Variants in PHF14 observed in about 807,000 individuals in gnomAD.
PHF14 encodes the protein PHD finger protein 14.
A neutral mutation model predicts 117.9 loss-of-function variants in PHF14; 55 were observed. The observed-to-expected ratio is 0.47, with a 90% CI of 0.38 to 0.58. PHF14 has a LOEUF of 0.58. Ranked by LOEUF, PHF14 falls within the 20% of genes least tolerant of loss-of-function variation. The pLI is 0.00. For missense variants in PHF14, 978 were observed against 1,122.2 expected (o/e 0.87, Z 1.84); for synonymous variants, 409 against 368.6 (o/e 1.11, Z -1.26).
chr7:11,046,367 A>G (rs74722607), intron 13 of PHF14, among the ~76,000 whole-genome samples: 2,042 of 152,280 alleles, frequency 0.013, 20 homozygotes, highest in Non-Finnish European at 0.023. Context: ...GCCTTTTCCA[A>G]TTGTTTGAAG....
chr7:11,044,876 T>G (rs746842357), intron 13 of PHF14, among the ~76,000 whole-genome samples: 1 of 152,178 alleles, frequency 6.6e-6, no homozygotes, highest in Non-Finnish European at 1.5e-5. Flanking sequence ...TTTGGAATAT[T>G]TGCATTGTAC....
intron 13 of PHF14, among the ~76,000 whole-genome samples, chr7:11,047,521 C>T (rs528716144): frequency 2.6e-5 from 4 of 151,418 alleles, no homozygotes; most frequent in Admixed American, 1.3e-4. Context: ...AAAGGCCAGA[C>T]GCAGTGGCTC....
intron 16 of PHF14, 105 bp from the exon 17 acceptor site, chr7:11,111,245 T>C: frequency 2.0e-6 from 1 of 500,510 alleles, no homozygotes. Context: ...AAATTAACAG[T>C]GTTGAAGTTG....
chr7:10,996,629 CAT>C (rs1562567320), intron 4 of PHF14, among the ~76,000 whole-genome samples: 1 of 152,008 alleles, frequency 6.6e-6, no homozygotes, highest in East Asian at 1.9e-4. Context: ...GTTTATATCA[CAT>C]GATTCATTAA....
chr7:11,044,720 T>A (rs1485172826), intron 13 of PHF14, among the ~76,000 whole-genome samples: 1 of 152,228 alleles, frequency 6.6e-6, no homozygotes, highest in Non-Finnish European at 1.5e-5. Flanking sequence ...AAATATTTTG[T>A]CACATTTTAC....
chr7:11,148,624 A>T (rs983571076), intron 17 of PHF14, among the ~76,000 whole-genome samples: 1 of 152,194 alleles, frequency 6.6e-6, no homozygotes, highest in Non-Finnish European at 1.5e-5. Context: ...CTCTGTTGAA[A>T]TTGAAGGCCA....
intron 6 of PHF14, among the ~76,000 whole-genome samples, chr7:11,025,513 G>C (rs1388031558): frequency 6.6e-6 from 1 of 152,204 alleles, no homozygotes; most frequent in African/African-American, 2.4e-5. Flanking sequence ...GAACTTGCCA[G>C]CCGGGCACGG....
intron 17 of PHF14, among the ~76,000 whole-genome samples, chr7:11,165,109 G>A (rs991624251): frequency 6.6e-6 from 1 of 152,128 alleles, no homozygotes; most frequent in Non-Finnish European, 1.5e-5. Flanking sequence ...ATTTTTAGTA[G>A]AGACGGGGTT....
chr7:11,023,994 T>C (rs1039198693), intron 6 of PHF14, among the ~76,000 whole-genome samples: 1 of 152,174 alleles, frequency 6.6e-6, no homozygotes, highest in African/African-American at 2.4e-5. Flanking sequence ...AAGCTGGGCC[T>C]CTTCTGCCGA....
chr7:11,157,418 A>C (rs539588592), intron 17 of PHF14, among the ~76,000 whole-genome samples: 46 of 152,068 alleles, frequency 3.0e-4, no homozygotes, highest in Non-Finnish European at 4.9e-4. Flanking sequence ...TTGATTGCCA[A>C]ATATTTTTAC....
At chr7:11,009,271 A>T (rs540169405) in intron 4 of PHF14, among the ~76,000 whole-genome samples, 3 of 152,296 alleles carry the variant, frequency 2.0e-5, no homozygotes, top group African/African-American at 7.2e-5. Flanking sequence ...GGAAGACTGA[A>T]AGTCCACTGG....
At chr7:11,164,500 T>C (rs1005318536) in intron 17 of PHF14, among the ~76,000 whole-genome samples, 6 of 152,224 alleles carry the variant, frequency 3.9e-5, no homozygotes, top group Admixed American at 1.3e-4. Context: ...TATATTTCAG[T>C]GTAGAGGCTA....
intron 17 of PHF14, among the ~76,000 whole-genome samples, chr7:11,144,772 A>G (rs1270041812): frequency 7.3e-5 from 11 of 151,724 alleles, no homozygotes; most frequent in Non-Finnish European, 1.3e-4. Flanking sequence ...GGGGAAGAAA[A>G]GGAAGGAAAA....
chr7:11,150,216 C>G (rs1788666415), intron 17 of PHF14, among the ~76,000 whole-genome samples: 1 of 152,002 alleles, frequency 6.6e-6, no homozygotes, highest in South Asian at 2.1e-4. Flanking sequence ...GAAAGAACAT[C>G]CAAGAGAGCT....
intron 16 of PHF14, chr7:11,109,370 A>G (rs1179535617): frequency 1.3e-5 from 2 of 151,298 alleles, no homozygotes; most frequent in African/African-American, 4.8e-5. Flanking sequence ...CTGTAGCAGC[A>G]TATGTTATTC....
chr7:11,126,707 T>C (rs1454199453), intron 17 of PHF14, among the ~76,000 whole-genome samples: 1 of 150,784 alleles, frequency 6.6e-6, no homozygotes, highest in Non-Finnish European at 1.5e-5. Flanking sequence ...TTCCCTAAGA[T>C]AGCAATGTCC....
intron 16 of PHF14, among the ~76,000 whole-genome samples, chr7:11,072,345 A>AC (rs1163480831): frequency 2.6e-5 from 4 of 152,058 alleles, no homozygotes; most frequent in Non-Finnish European, 5.9e-5. Context: ...TGAGAAATCT[A>AC]CCCCCGTGAT....
At chr7:11,051,163 C>G (rs1010148311) in intron 13 of PHF14, among the ~76,000 whole-genome samples, 1 of 152,036 alleles carries the variant, frequency 6.6e-6, no homozygotes, top group African/African-American at 2.4e-5. Flanking sequence ...ACTTCAGCTT[C>G]CTGAGTAGCT....
intron 17 of PHF14, among the ~76,000 whole-genome samples, chr7:11,164,952 T>C (rs1161889102): frequency 6.6e-6 from 1 of 151,948 alleles, no homozygotes; most frequent in African/African-American, 2.4e-5. Context: ...TGAGACGGAG[T>C]CTCGCTCAAT....
Sources: allele counts gnomAD v4.1 joint callset (sites outside exome capture counted in the v4.1 genomes callset), GRCh38; gene constraint gnomAD v4.1.1; transcripts MANE v1.5; gene names NCBI Gene and HGNC (gene_info 2026-07-23, HGNC 2026-07-21).